The following SLC16A10 variants were observed in gnomAD, a reference collection of about 807,000 sequenced individuals.
The protein encoded by SLC16A10 is monocarboxylate transporter 10.
Under a neutral mutation model 40.0 loss-of-function variants are expected in SLC16A10, and 27 were observed. The ratio of observed to expected loss-of-function variants is 0.67; its 90% CI spans 0.50 to 0.93. The LOEUF is 0.93. SLC16A10 is among the 40% of genes least tolerant of loss of function. The pLI is 0.00. For missense variants in SLC16A10, 529 were observed against 658.2 expected, an observed-to-expected ratio of 0.80 and a Z score of 2.15; for synonymous variants, 213 against 249.8, an observed-to-expected ratio of 0.85 and a Z score of 1.39.
At chr6:111,150,845 C>T (rs1583329853) in intron 1 of SLC16A10, among the ~76,000 whole-genome samples, 1 of 152,122 alleles carries the variant, frequency 6.6e-6, no homozygotes, top group South Asian at 2.1e-4. Flanking sequence ...AGTCTCTACT[C>T]GTACAATATT....
intron 3 of SLC16A10, among the ~76,000 whole-genome samples, chr6:111,189,926 A>G (rs1772961961): frequency 6.6e-6 from 1 of 152,118 alleles, no homozygotes; most frequent in African/African-American, 2.4e-5. Context: ...TCATGTCCTC[A>G]CATTTCAAAA....
chr6:111,150,077 A>G (rs1772146674), intron 1 of SLC16A10, among the ~76,000 whole-genome samples: 1 of 152,214 alleles, frequency 6.6e-6, no homozygotes, highest in Non-Finnish European at 1.5e-5. Flanking sequence ...TTTGTTGGAA[A>G]CTTAATCCCC....
At chr6:111,103,358 C>G (rs1476057227) in intron 1 of SLC16A10, among the ~76,000 whole-genome samples, 1 of 152,112 alleles carries the variant, frequency 6.6e-6, no homozygotes, top group Non-Finnish European at 1.5e-5. Context: ...GCTGGGATTA[C>G]AGACACACGC....
intron 1 of SLC16A10, among the ~76,000 whole-genome samples, chr6:111,091,598 G>A (rs1770976234): frequency 6.6e-6 from 1 of 152,140 alleles, no homozygotes; most frequent in Non-Finnish European, 1.5e-5. Context: ...TGCCGTTCAA[G>A]CAAAAGTCTG....
At chr6:111,142,315 G>GT (rs1190609729) in intron 1 of SLC16A10, among the ~76,000 whole-genome samples, 1 of 152,124 alleles carries the variant, frequency 6.6e-6, no homozygotes, top group Admixed American at 6.5e-5. Flanking sequence ...ATGTCCACAT[G>GT]TAAAAAAATG....
At chr6:111,191,198 T>G (rs1200742239) in intron 3 of SLC16A10, among the ~76,000 whole-genome samples, 5 of 152,118 alleles carry the variant, frequency 3.3e-5, no homozygotes, top group African/African-American at 9.7e-5. Context: ...AGCCCTGGAA[T>G]GTGATGTTCC....
intron 3 of SLC16A10, among the ~76,000 whole-genome samples, chr6:111,188,436 G>C: frequency 6.6e-6 from 1 of 151,918 alleles, no homozygotes; most frequent in East Asian, 1.9e-4. Flanking sequence ...AAGTAATTTT[G>C]TTTTTCTATT....
intron 2 of SLC16A10, among the ~76,000 whole-genome samples, chr6:111,175,199 T>C (rs1463913836): frequency 6.6e-6 from 1 of 152,208 alleles, no homozygotes; most frequent in East Asian, 1.9e-4. Flanking sequence ...TTTGCACATA[T>C]GATTGGTATC....
chr6:111,189,252 G>C (rs527917135), intron 3 of SLC16A10, among the ~76,000 whole-genome samples: 36 of 152,330 alleles, frequency 2.4e-4, no homozygotes, highest in African/African-American at 8.4e-4. Context: ...ACTTTGGCCA[G>C]TCAGGGACAA....
At chr6:111,183,945 G>A (rs1010034905) in intron 3 of SLC16A10, among the ~76,000 whole-genome samples, 1 of 152,172 alleles carries the variant, frequency 6.6e-6, no homozygotes, top group African/African-American at 2.4e-5. Context: ...ATAGGGCCTC[G>A]TGAGATAACT....
Position 111,210,580 on chromosome 6 carries a change from C to G in SLC16A10, c.1086+3845C>G, listed in dbSNP as rs1773329221. 3.9e-5 allele frequency among the ~76,000 whole-genome samples: 6 copies of G among 152,146 alleles called. No individual in the cohort carries two copies. In the South Asian group the frequency reaches 1.2e-3, roughly 32 times the overall value. ...GTTAGGGTGATGCAAACAAGACAGA[C>G]ATGGTCCCTGAGTTCCTAAAGCAAG... On this transcript the variant is annotated intron_variant, in intron 4 of 5. Transcript: ENST00000368851.
intron 1 of SLC16A10, among the ~76,000 whole-genome samples, chr6:111,126,294 T>C (rs1771673234): frequency 6.6e-6 from 1 of 152,086 alleles, no homozygotes; most frequent in Non-Finnish European, 1.5e-5. Flanking sequence ...GAGGAGCCAT[T>C]GGGGTTGGTG....
chr6:111,169,919 CT>C (rs60561269), intron 1 of SLC16A10, among the ~76,000 whole-genome samples: 15 of 135,104 alleles, frequency 1.1e-4, no homozygotes, highest in African/African-American at 1.9e-4. Flanking sequence ...TCTTTTCTTT[CT>C]TTTTTTTTTT....
intron 3 of SLC16A10, chr6:111,178,631 A>G (rs1291516492): frequency 4.6e-6 from 1 of 216,916 alleles, no homozygotes; most frequent in Non-Finnish European, 9.2e-6. Flanking sequence ...AGTGTTCATT[A>G]TGTTTCTTCC....
chr6:111,153,586 A>C (rs1215721575), intron 1 of SLC16A10, among the ~76,000 whole-genome samples: 2 of 152,142 alleles, frequency 1.3e-5, no homozygotes, highest in African/African-American at 4.8e-5. Flanking sequence ...GCTTATAAGG[A>C]GTGATGGAGT....
At chr6:111,142,857 C>A (rs757426547) in intron 1 of SLC16A10, among the ~76,000 whole-genome samples, 1 of 152,214 alleles carries the variant, frequency 6.6e-6, no homozygotes, top group Non-Finnish European at 1.5e-5. Context: ...CCAACAATTG[C>A]AGTCCTTGAT....
intron 4 of SLC16A10, among the ~76,000 whole-genome samples, chr6:111,208,901 A>G (rs1773296582): frequency 6.6e-6 from 1 of 152,116 alleles, no homozygotes; most frequent in Non-Finnish European, 1.5e-5. Context: ...TTATATCTCA[A>G]TAAAGCTATT....
chr6:111,178,640 CCTTTTTT>C (rs1262790041), intron 3 of SLC16A10: 10 of 203,494 alleles, frequency 4.9e-5, no homozygotes, highest in South Asian at 1.4e-4. Context: ...TATGTTTCTT[CCTTTTTT>C]CTTTTGTGGC....
At chr6:111,137,079 C>G (rs1771893381) in intron 1 of SLC16A10, among the ~76,000 whole-genome samples, 1 of 152,128 alleles carries the variant, frequency 6.6e-6, no homozygotes, top group Non-Finnish European at 1.5e-5. Flanking sequence ...AGGGAACCGC[C>G]GAGTGGATAT....
Sources: gnomAD v4.1 joint callset for allele counts (sites outside exome capture counted in the v4.1 genomes callset) on GRCh38, gnomAD v4.1.1 for gene constraint, MANE v1.5 for transcripts, NCBI Gene and HGNC (gene_info 2026-07-23, HGNC 2026-07-21) for gene names.